Variants in SEPTIN3 observed in about 807,000 individuals in gnomAD.
The protein encoded by SEPTIN3 is septin 3, also known as neuronal-specific septin-3.
In SEPTIN3, 15 loss-of-function variants were observed where a neutral mutation model predicts 45.1. The ratio of observed to expected loss-of-function variants is 0.33; its 90% CI spans 0.22 to 0.51. SEPTIN3 has a LOEUF of 0.51. Among genes scored for constraint, SEPTIN3 ranks in the 20% least tolerant of loss-of-function variants. The pLI is 0.97. For synonymous variants in SEPTIN3, 148 were observed against 164.8 expected (o/e 0.90, Z 0.78); for missense variants, 289 against 457.2 (o/e 0.63, Z 3.35).
intron 2 of SEPTIN3, among the ~76,000 whole-genome samples, chr22:41,978,197 G>A (rs1387816402): frequency 6.6e-6 from 1 of 152,208 alleles, no homozygotes; most frequent in Non-Finnish European, 1.5e-5. Flanking sequence ...GCTCTGCATG[G>A]GGAGAAGCAT....
At chr22:41,977,113 G>A in intron 2 of SEPTIN3, 3 of 1,582,958 alleles carry the variant, frequency 1.9e-6, no homozygotes, top group Non-Finnish European at 2.6e-6. Context: ...CCGCCAGGAG[G>A]AGGCTGCGGC....
chr22:41,985,413 T>C (rs540452953), intron 3 of SEPTIN3, among the ~76,000 whole-genome samples: 126 of 152,278 alleles, frequency 8.3e-4, no homozygotes, highest in African/African-American at 3.0e-3. Context: ...GCCAAGATGT[T>C]ATTAGGGTTT....
intron 3 of SEPTIN3, among the ~76,000 whole-genome samples, chr22:41,984,037 A>G (rs1374869288): frequency 6.6e-6 from 1 of 152,216 alleles, no homozygotes; most frequent in Non-Finnish European, 1.5e-5. Context: ...AGTGGTGTGC[A>G]TGGCAGACTG....
chr22:41,971,602 C>T lies in SEPTIN3; in HGVS notation c.110C>T (p.Ser37Leu), dbSNP rs759704827. 7.3e-5 allele frequency: 29 copies of T among 398,976 alleles called. No individual in the cohort carries two copies. Among genetic ancestry groups the T allele is most frequent in the African/African-American group, 4.7e-4 (23 of 48,602 alleles). 24.7% of individuals were successfully genotyped at this position (398,976 alleles called of 1,614,324 possible). A position where few individuals can be genotyped will look rare whatever the true frequency, so the allele number is the denominator to read the frequency against. The change falls in exon 2 of 12, where the codon TCG becomes TTG. Residue 37 changes from serine to leucine, a missense_variant. By Grantham distance (145) the Ser-to-Leu change is moderately radical. This residue lies in a region of SEPTIN3 where 200 missense variants were observed against 315.1 expected (regional missense o/e 0.63). Coordinates refer to ENST00000644076, the MANE Select transcript of SEPTIN3 (RefSeq NM_001363845.2). ...SHVLGRPIRPSRLPGGGSPLT... is the reference protein window; with the variant it reads ...SHVLGRPIRPLRLPGGGSPLT... ...GTGCTGGGGCGCCCTATCCGCCCCT[C>T]GAGACTCCCTGGAGGAGGGTCCCCC... is the stretch of plus-strand genomic sequence containing the variant.
intron 7 of SEPTIN3, among the ~76,000 whole-genome samples, chr22:41,991,253 C>T (rs534063021): frequency 1.1e-4 from 16 of 152,256 alleles, no homozygotes; most frequent in African/African-American, 3.9e-4. Context: ...TGAGCACTCC[C>T]CAGTGGGCTC....
Position 41,972,710 on chromosome 22 carries a change from C to G in SEPTIN3, c.1218C>G (p.Ala406=). Residue 406 remains alanine, a synonymous_variant, in exon 2 of 12, where the codon GCC becomes GCG. Coordinates refer to ENST00000644076, the MANE Select transcript of SEPTIN3 (RefSeq NM_001363845.2). ...TGGGCACCAGTAGGTTGGAAACAGC[C>G]ATGGCTTTGGCCAGAGTGAACAGAG... ...ATVGTSRLET[A]MALARVNRAK... 2.5e-6 allele frequency: 1 copy of G among 399,120 alleles called. No individual in the cohort carries two copies. The highest frequency in any genetic ancestry group is 4.4e-6 in the Non-Finnish European group (1 of 226,142). The allele number at this position is 399,120 out of a possible 1,614,324, so 24.7% of individuals were successfully genotyped here.
intron 2 of SEPTIN3, among the ~76,000 whole-genome samples, chr22:41,978,327 C>G (rs1414301723): frequency 3.3e-5 from 5 of 152,154 alleles, no homozygotes; most frequent in African/African-American, 7.2e-5. Flanking sequence ...GACTGGGGCA[C>G]AGAGATCAAT....
intron 6 of SEPTIN3, 57 bp downstream of exon 6, chr22:41,987,816 C>T (rs1483102404): frequency 6.4e-7 from 1 of 1,560,626 alleles, no homozygotes; most frequent in African/African-American, 1.3e-5. Flanking sequence ...TCATCTGTGC[C>T]CATCTGGATT....
At chr22:41,995,555 C>G in intron 11 of SEPTIN3, 14 of 985,192 alleles carry the variant, frequency 1.4e-5, no homozygotes, top group Non-Finnish European at 1.7e-5. Flanking sequence ...CTGCGTGTCT[C>G]TGACATCTCT....
chr22:41,986,327 G>A (rs2078207162), intron 4 of SEPTIN3, among the ~76,000 whole-genome samples: 1 of 152,174 alleles, frequency 6.6e-6, no homozygotes, highest in Admixed American at 6.6e-5. Flanking sequence ...ATTTGAGGTG[G>A]ATGATAAAGT....
chr22:41,989,935 A>G (rs2078277749), intron 7 of SEPTIN3, among the ~76,000 whole-genome samples: 1 of 152,094 alleles, frequency 6.6e-6, no homozygotes, highest in Non-Finnish European at 1.5e-5. Context: ...TGTGAAGACC[A>G]CTGAATACAT....
At chr22:41,983,061 AC>A (rs1028677186) in intron 3 of SEPTIN3, among the ~76,000 whole-genome samples, 2 of 152,072 alleles carry the variant, frequency 1.3e-5, no homozygotes, top group African/African-American at 4.8e-5. Context: ...CGTATCTCTT[AC>A]GTCTGCCCAC....
intron 8 of SEPTIN3, 43 bp downstream of exon 8, chr22:41,991,711 G>A (rs753166096): frequency 1.3e-5 from 16 of 1,274,540 alleles, no homozygotes; most frequent in East Asian, 1.2e-4. Context: ...GCCCCCTTGC[G>A]ACCTCTGGGA....
At chr22:41,993,519 CTAATT>C (rs1431263615) in intron 9 of SEPTIN3, among the ~76,000 whole-genome samples, 1 of 152,058 alleles carries the variant, frequency 6.6e-6, no homozygotes, top group East Asian at 1.9e-4. Flanking sequence ...ATTAGCCCAG[CTAATT>C]TTTGTATTTT....
At chr22:41,981,866 C>G (rs1433747146) in intron 3 of SEPTIN3, 30 bp downstream of exon 3, 1 of 1,598,198 alleles carries the variant, frequency 6.3e-7, no homozygotes, top group Non-Finnish European at 8.6e-7. Flanking sequence ...TGCTGCAGGC[C>G]TGGTGGCGGG....
At chr22:41,992,314 G>A (rs987510432) in intron 8 of SEPTIN3, among the ~76,000 whole-genome samples, 5 of 152,218 alleles carry the variant, frequency 3.3e-5, no homozygotes, top group Non-Finnish European at 7.3e-5. Flanking sequence ...AGGAGGTGGA[G>A]GTTGCAGTGA....
rs566730621 is a variant in SEPTIN3 at position 41,994,448 on chromosome 22, C to T, written c.2411+107C>T. On this transcript the variant is annotated intron_variant, in intron 10 of 11. Transcript: ENST00000644076. This position sits in a 1 kb window ranked among gnomAD's most constrained non-coding sequence, Gnocchi z 4.2. ...GCATCTCCAGGTCTCTCTGACAGAG[C>T]TTTCTGCCCCAGTTCCAGCTCCTGT... 1.6e-3 allele frequency: 2,434 copies of T among 1,499,168 alleles called. No individual in the cohort carries two copies. The highest frequency in any genetic ancestry group is 1.9e-3 in the Non-Finnish European group (2,035 of 1,085,362). 92.9% of individuals were successfully genotyped at this position (1,499,168 alleles called of 1,614,324 possible). A position where few individuals can be genotyped will look rare whatever the true frequency, so the allele number is the denominator to read the frequency against.
chr22:41,977,443 C>G (rs988355825), intron 2 of SEPTIN3, among the ~76,000 whole-genome samples: 2 of 152,158 alleles, frequency 1.3e-5, no homozygotes, highest in African/African-American at 4.8e-5. Flanking sequence ...CCCCGCAACC[C>G]CTACAGGCAC....
intron 6 of SEPTIN3, 84 bp from the exon 7 acceptor site, chr22:41,989,483 C>G: frequency 1.1e-6 from 1 of 877,776 alleles, no homozygotes; most frequent in Middle Eastern, 2.2e-4. Context: ...GTCCTCTTCT[C>G]CTGTGGGTGT....
Sources: gnomAD v4.1 joint callset for allele counts (sites outside exome capture counted in the v4.1 genomes callset) on GRCh38, gnomAD v4.1.1 for gene constraint, gnomAD v4.1.1 regional missense constraint, Gnocchi (gnomAD v3.1) non-coding constraint, MANE v1.5 for transcripts, NCBI Gene and HGNC (gene_info 2026-07-23, HGNC 2026-07-21) for gene names.